The following FETUB variants were observed in gnomAD, a reference collection of about 807,000 sequenced individuals.
FETUB encodes fetuin-B.
A neutral mutation model predicts 30.9 loss-of-function variants in FETUB; 28 were observed. The ratio of observed to expected loss-of-function variants is 0.90; its 90% CI spans 0.67 to 1.24. The LOEUF (loss-of-function observed/expected upper bound fraction) is 1.24. Among genes scored for constraint, FETUB ranks in the 50% most tolerant of loss-of-function variants. The pLI is 0.00. For synonymous variants in FETUB, 186 were observed against 175.9 expected (o/e 1.06, Z -0.45); for missense variants, 469 against 455.3 (o/e 1.03, Z -0.27).
rs1717358793 is a variant in FETUB, at chr3:186,644,811, C to A, written c.485C>A (p.Ser162Tyr). The A allele has an allele frequency of 6.2e-7, 1 of 1,613,856 alleles. No individual in the cohort carries two copies. The highest frequency in any genetic ancestry group is 1.3e-5 in the African/African-American group (1 of 74,920). ...TGCCCAAGCTCCATACCCACTGACTCTTCCAATCACCAAGTGCTGGAGGCT... is the reference window on the plus strand; with the variant it reads ...TGCCCAAGCTCCATACCCACTGACTATTCCAATCACCAAGTGCTGGAGGCT... The part of the protein sequence containing the change: ...PDCPSSIPTD[S>Y]SNHQVLEAAT... Residue 162 changes from serine to tyrosine, a missense_variant, in exon 4 of 7, where the codon TCT (serine) becomes TAT (tyrosine). Ser to Tyr is a moderately radical substitution (Grantham distance 144). Coordinates refer to ENST00000265029, the MANE Select transcript of FETUB (RefSeq NM_014375.3).
chr3:186,646,236 G>C lies in FETUB; in HGVS notation c.595-12G>C, dbSNP rs746274339. The C allele has an allele frequency of 6.3e-7, 1 of 1,593,062 alleles. No individual in the cohort carries two copies. The highest frequency in any genetic ancestry group is 1.1e-5 in the South Asian group (1 of 90,412). ...GTTTGATTTTTATGTCTCAACTCTT[G>C]TCTCATAACAGTGGGTGGTCGGCCC... is the stretch of plus-strand genomic sequence containing the variant. On this transcript the variant is annotated splice_polypyrimidine_tract_variant and intron_variant, in intron 4 of 6. Coordinates refer to ENST00000265029, the MANE Select transcript of FETUB (RefSeq NM_014375.3).
chr3:186,643,418 G>T (rs1037206841), intron 3 of FETUB, among the ~76,000 whole-genome samples: 1 of 152,164 alleles, frequency 6.6e-6, no homozygotes, highest in Non-Finnish European at 1.5e-5. Context: ...GAACAACTAC[G>T]TGCGTGTCGC....
intron 3 of FETUB, among the ~76,000 whole-genome samples, chr3:186,643,896 C>G (rs889642999): frequency 1.3e-5 from 2 of 152,194 alleles, no homozygotes; most frequent in Non-Finnish European, 2.9e-5. Context: ...TCTGACTGTA[C>G]TTAATGTGAT....
chr3:186,639,468 T>C (rs891572029), upstream of FETUB, among the ~76,000 whole-genome samples: 5 of 152,176 alleles, frequency 3.3e-5, no homozygotes, highest in African/African-American at 4.8e-5. Context: ...ACTCACCTCA[T>C]GGACTAGGGC....
chr3:186,649,344 T>C (rs1283888914), intron 5 of FETUB, among the ~76,000 whole-genome samples: 1 of 152,224 alleles, frequency 6.6e-6, no homozygotes, highest in African/African-American at 2.4e-5. Context: ...TTTTTTCTTT[T>C]TGTAGATTTA....
At position 186,642,573 on chromosome 3, in the gene FETUB, C is replaced by T. The variant is rs367657346; in HGVS notation, c.424+15C>T. 76 of 1,484,058 alleles carry T rather than the reference C, an allele frequency of 5.1e-5. No individual in the cohort carries two copies. The highest frequency in any genetic ancestry group is 1.4e-4 in the East Asian group (6 of 44,234). The allele number at this position is 1,484,058 out of a possible 1,614,324, so 91.9% of individuals were successfully genotyped here. ...TCTTCGCCCAGGTAAGAAATCACTA[C>T]GATTTTGTTAGTTTTAATAAAGGAT... is the stretch of plus-strand genomic sequence containing the variant. On this transcript the variant is annotated intron_variant, in intron 3 of 6. Transcript: ENST00000265029.
chr3:186,646,127 ATG>A (rs1352496721), intron 4 of FETUB, 119 bp from the exon 5 acceptor site: 1 of 681,672 alleles, frequency 1.5e-6, no homozygotes, highest in Non-Finnish European at 2.7e-6. Flanking sequence ...AACAACAGAT[ATG>A]TGCCTTGACA....
At chr3:186,649,944 C>T (rs151111331) in intron 5 of FETUB, among the ~76,000 whole-genome samples, 1 of 152,224 alleles carries the variant, frequency 6.6e-6, no homozygotes, top group East Asian at 1.9e-4. Flanking sequence ...CCTCCAGTTC[C>T]ATCCATGTTG....
Position 186,652,832 on chromosome 3 carries a change from A to G in FETUB, c.*201A>G, listed in dbSNP as rs1176160897. 4 of 544,348 alleles carry G rather than the reference A, an allele frequency of 7.3e-6. No homozygotes were observed. In the East Asian group the frequency reaches 9.1e-5, roughly 12 times the overall value. The allele number at this position is 544,348 out of a possible 1,614,324, so 33.7% of individuals were successfully genotyped here. Reference sequence around the variant, plus strand: ...GCTTGGGCTGCACTCTACCCTGTACACTGCCTTGTACCCTGAGCTGCATCA... The same window carrying G: ...GCTTGGGCTGCACTCTACCCTGTACGCTGCCTTGTACCCTGAGCTGCATCA... On this transcript the variant is annotated 3_prime_UTR_variant, in exon 7 of 7. Transcript: ENST00000265029.
rs1718130384 is a variant in FETUB at position 186,652,407 on chromosome 3, G to A, written c.925G>A (p.Asp309Asn). 6.2e-7 allele frequency: 1 copy of A among 1,613,782 alleles called. No individual in the cohort carries two copies. The highest frequency in any genetic ancestry group is 1.1e-5 in the South Asian group (1 of 91,056). The change falls in exon 7 of 7, where the codon GAC becomes AAC. Residue 309 changes from aspartate (D) to asparagine (N), a missense_variant. Transcript: ENST00000265029. ...AAGAGGATCTGTCCAATATCTTCCTGACTTGGATGATAAAAATTCCCAGGA... is the reference window on the plus strand; with the variant it reads ...AAGAGGATCTGTCCAATATCTTCCTAACTTGGATGATAAAAATTCCCAGGA... ...GPRGSVQYLPDLDDKNSQEKG... is the reference protein window; with the variant it reads ...GPRGSVQYLPNLDDKNSQEKG...
At position 186,641,030 on chromosome 3, in the gene FETUB, G is replaced by T. The variant is rs761792521; in HGVS notation, c.226G>T (p.Gly76Cys). 15 of 1,603,592 alleles carry T rather than the reference G, an allele frequency of 9.4e-6. No homozygotes were observed. The highest frequency in any genetic ancestry group is 1.2e-5 in the Non-Finnish European group (14 of 1,170,718). ...RVNDAQEYRR[G>C]GLGSLFYLTL... ...TGCATTTCTCTACCCCTTCCCACAG[G>T]GTGGCCTGGGATCTCTGTTCTATCT... The change falls in exon 2 of 7, where the codon GGT becomes TGT. Residue 76 changes from glycine to cysteine, a missense_variant and splice_region_variant. By Grantham distance (159) the Gly-to-Cys change is radical. Transcript: ENST00000265029.
chr3:186,639,655 T>TAAAA (rs5855107), upstream of FETUB, among the ~76,000 whole-genome samples: 1 of 129,474 alleles, frequency 7.7e-6, no homozygotes, highest in African/African-American at 2.9e-5. Context: ...AAATAGAAGC[T>TAAAA]AAAAAAAAAA....
chr3:186,644,659 G>A (rs1717342355), intron 3 of FETUB, 92 bp from the exon 4 acceptor site: 2 of 926,856 alleles, frequency 2.2e-6, no homozygotes, highest in South Asian at 3.4e-5. Context: ...TATTCCAGAG[G>A]TAACTTCCTC....
chr3:186,647,933 T>C, intron 5 of FETUB, among the ~76,000 whole-genome samples: 1 of 152,060 alleles, frequency 6.6e-6, no homozygotes, highest in South Asian at 2.1e-4. Flanking sequence ...ATCACCAAGA[T>C]TTACATGTGT....
At position 186,650,754 on chromosome 3, in the gene FETUB, T is replaced by C. The variant is rs576688951; in HGVS notation, c.697-464T>C. 7.9e-5 allele frequency among the ~76,000 whole-genome samples: 12 copies of C among 152,342 alleles called. No homozygotes were observed. In the East Asian group the frequency reaches 1.9e-3, roughly 24 times the overall value. ...TTTTGTTTATCTATATTCTAACTAT[T>C]ACATTTGTAATAAGGAAACAAAGCT... On this transcript the variant is annotated intron_variant, in intron 5 of 6. Coordinates refer to ENST00000265029, the MANE Select transcript of FETUB (RefSeq NM_014375.3).
At position 186,640,597 on chromosome 3, in the gene FETUB, G is replaced by A; in HGVS notation, c.137G>A (p.Gly46Asp). The A allele has an allele frequency of 6.2e-7, 1 of 1,614,182 alleles. No individual in the cohort carries two copies. The highest frequency in any genetic ancestry group is 1.1e-5 in the South Asian group (1 of 91,080). Residue 46 changes from glycine (G) to aspartate (D), a missense_variant, in exon 1 of 7, where the codon GGC (glycine) becomes GAC (aspartate). Gly to Asp is a moderately conservative substitution (Grantham distance 94, BLOSUM62 -1). Transcript: ENST00000265029. ...GACTCAGATGTGCTGGCAGTTGCAG[G>A]CTTTGCCCTGCGGGATATTAACAAA... ...CNDSDVLAVA[G>D]FALRDINKDR... is the part of the protein sequence containing the mutation.
chr3:186,647,035 C>G (rs561018460), intron 5 of FETUB: 4 of 152,328 alleles, frequency 2.6e-5, no homozygotes, highest in Admixed American at 1.3e-4. Flanking sequence ...CCCTGGAAAC[C>G]ACTTACCTAC....
chr3:186,638,386 G>A (rs539049399), upstream of FETUB, among the ~76,000 whole-genome samples: 2 of 152,300 alleles, frequency 1.3e-5, no homozygotes, highest in South Asian at 2.1e-4. Context: ...AACTGTGCAT[G>A]TATACATATG....
At chr3:186,643,367 G>C (rs930425095) in intron 3 of FETUB, among the ~76,000 whole-genome samples, 4 of 152,182 alleles carry the variant, frequency 2.6e-5, no homozygotes, top group Non-Finnish European at 5.9e-5. Context: ...TTTGGAAAGA[G>C]AGCATCCACA....
Sources: gnomAD v4.1 joint callset for allele counts (sites outside exome capture counted in the v4.1 genomes callset) on GRCh38, gnomAD v4.1.1 for gene constraint, MANE v1.5 for transcripts, NCBI Gene and HGNC (gene_info 2026-07-23, HGNC 2026-07-21) for gene names.